CDH1: variants seen among roughly 807,000 people sequenced by gnomAD.
CDH1 encodes cadherin-1.
In CDH1, 35 loss-of-function variants were observed where a neutral mutation model predicts 84.5. The observed-to-expected ratio is 0.41, with a 90% CI of 0.32 to 0.55. The LOEUF is 0.55. Among genes scored for constraint, CDH1 ranks in the 20% least tolerant of loss-of-function variants. CDH1 has a pLI of 0.19. For missense variants in CDH1, 994 were observed against 1,126.6 expected, an observed-to-expected ratio of 0.88 and a Z score of 1.68; for synonymous variants, 417 against 439.0, an observed-to-expected ratio of 0.95 and a Z score of 0.63.
At chr16:68,776,366 T>G (rs888313226) in intron 2 of CDH1, among the ~76,000 whole-genome samples, 15 of 152,218 alleles carry the variant, frequency 9.9e-5, no homozygotes, top group Non-Finnish European at 1.6e-4. Flanking sequence ...ATGACCAACG[T>G]TTCCTGAACA....
intron 2 of CDH1, among the ~76,000 whole-genome samples, chr16:68,799,248 A>G (rs1349088148): frequency 2.0e-5 from 3 of 152,012 alleles, no homozygotes; most frequent in African/African-American, 7.3e-5. Flanking sequence ...TGCTCACCCC[A>G]TCCTTTCCTT....
At chr16:68,828,146 A>C (rs2152141335) in intron 13 of CDH1, 28 bp from the exon 14 acceptor site, 3 of 1,613,086 alleles carry the variant, frequency 1.9e-6, no homozygotes, top group Non-Finnish European at 2.5e-6. Context: ...GGCTCTCAAC[A>C]CTTGCTCTGT....
At chr16:68,808,355 T>C (rs1336997533) in intron 3 of CDH1, 69 bp from the exon 4 acceptor site, 2 of 1,548,002 alleles carry the variant, frequency 1.3e-6, no homozygotes, top group East Asian at 4.5e-5. Context: ...TCTGGCTAGG[T>C]TGGACTGTTA....
chr16:68,770,255 G>A (rs1959525356), intron 2 of CDH1, among the ~76,000 whole-genome samples: 1 of 152,052 alleles, frequency 6.6e-6, no homozygotes, highest in African/African-American at 2.4e-5. Context: ...TCCTGACTGG[G>A]CCTGTCTTCC....
chr16:68,813,613 C>T, intron 9 of CDH1, 118 bp downstream of exon 9: 1 of 1,016,410 alleles, frequency 9.8e-7, no homozygotes. Context: ...GGTGACTTTC[C>T]CAGATTGTAG....
chr16:68,783,853 T>A (rs1959958296), intron 2 of CDH1, among the ~76,000 whole-genome samples: 1 of 152,018 alleles, frequency 6.6e-6, no homozygotes, highest in African/African-American at 2.4e-5. Flanking sequence ...ATTTTTGTAT[T>A]TTTAGTAGAG....
intron 11 of CDH1, among the ~76,000 whole-genome samples, chr16:68,821,391 G>T (rs1961138951): frequency 6.6e-6 from 1 of 150,878 alleles, no homozygotes; most frequent in African/African-American, 2.4e-5. Context: ...GGGAGATTAA[G>T]CCCAGGAGGT....
At chr16:68,760,114 T>C (rs555437845) in intron 2 of CDH1, among the ~76,000 whole-genome samples, 6 of 148,566 alleles carry the variant, frequency 4.0e-5, no homozygotes, top group African/African-American at 7.3e-5. Context: ...ATTTTTTTTT[T>C]TTGAGATGAA....
intron 2 of CDH1, among the ~76,000 whole-genome samples, chr16:68,769,805 A>C (rs1034873635): frequency 3.3e-5 from 5 of 151,822 alleles, no homozygotes. Context: ...GCGGTGGCTC[A>C]CGCTGGGGAC....
intron 2 of CDH1, among the ~76,000 whole-genome samples, chr16:68,743,340 TTTCTTTCTTTCTTTC>T (rs1567473969): frequency 5.2e-5 from 2 of 38,758 alleles, no homozygotes; most frequent in Admixed American, 2.6e-4. Flanking sequence ...TCTTTCTTTC[TTTCTTTCTTTCTTTC>T]TTTCTTTCTT....
At chr16:68,810,390 T>C in intron 6 of CDH1, 49 bp downstream of exon 6, 7 of 1,573,736 alleles carry the variant, frequency 4.4e-6, no homozygotes, top group Non-Finnish European at 5.2e-6. Context: ...TCTTAGGTTC[T>C]TTGGACCCCA....
intron 3 of CDH1, among the ~76,000 whole-genome samples, chr16:68,806,124 A>ATTTC (rs1276192224): frequency 6.3e-3 from 139 of 22,048 alleles, no homozygotes; most frequent in Middle Eastern, 0.027. Flanking sequence ...ATTTTTGTAT[A>ATTTC]TTTATTTATT....
chr16:68,771,882 A>G (rs746579549), intron 2 of CDH1, among the ~76,000 whole-genome samples: 15 of 152,012 alleles, frequency 9.9e-5, no homozygotes, highest in Non-Finnish European at 1.5e-4. Flanking sequence ...TGCCTAGCCC[A>G]TTGAGCTTTT....
intron 3 of CDH1, among the ~76,000 whole-genome samples, chr16:68,802,717 T>C (rs1960549672): frequency 6.6e-6 from 1 of 152,164 alleles, no homozygotes; most frequent in Admixed American, 6.5e-5. Context: ...ATGATCTGCC[T>C]GCCTCAGCCT....
chr16:68,748,081 AT>A (rs537395465), intron 2 of CDH1, among the ~76,000 whole-genome samples: 1,236 of 109,962 alleles, frequency 0.011, 23 homozygotes, highest in African/African-American at 0.053. Flanking sequence ...ATTTTTTTTA[AT>A]TTTTAAAAAA....
chr16:68,820,153 T>G (rs1451638629), intron 11 of CDH1, among the ~76,000 whole-genome samples: 2 of 151,784 alleles, frequency 1.3e-5, no homozygotes, highest in Non-Finnish European at 2.9e-5. Context: ...GAGCCAAGAT[T>G]GCGCCACTGC....
At chr16:68,828,024 G>A (rs569568574) in intron 13 of CDH1, 150 bp from the exon 14 acceptor site, 85 of 819,180 alleles carry the variant, frequency 1.0e-4, no homozygotes, top group East Asian at 9.8e-4. Flanking sequence ...TGAGTGTCAC[G>A]TGGATTGACA....
intron 2 of CDH1, among the ~76,000 whole-genome samples, chr16:68,752,835 T>C (rs533432219): frequency 6.6e-6 from 1 of 152,306 alleles, no homozygotes; most frequent in African/African-American, 2.4e-5. Context: ...TCTAGGCAGA[T>C]ATCTGAGCCC....
chr16:68,776,285 C>A (rs1959730220), intron 2 of CDH1, among the ~76,000 whole-genome samples: 1 of 152,150 alleles, frequency 6.6e-6, no homozygotes, highest in South Asian at 2.1e-4. Context: ...CCGCACCAGG[C>A]CTATTTTAGA....
Sources: allele counts gnomAD v4.1 joint callset (sites outside exome capture counted in the v4.1 genomes callset), GRCh38; gene constraint gnomAD v4.1.1; transcripts MANE v1.5; gene names NCBI Gene and HGNC (gene_info 2026-07-23, HGNC 2026-07-21).